SIMC1: variants seen among roughly 807,000 people sequenced by gnomAD.
SIMC1 encodes the protein SUMO-interacting motif-containing protein 1.
Under a neutral mutation model 82.3 loss-of-function variants are expected in SIMC1, and 55 were observed. The observed-to-expected ratio is 0.67, with a 90% CI of 0.54 to 0.84. The LOEUF is 0.84. Ranked by LOEUF, SIMC1 falls within the 40% of genes least tolerant of loss-of-function variation. The pLI is 0.00. For synonymous variants in SIMC1, 353 were observed against 426.3 expected (o/e 0.83, Z 2.12); for missense variants, 915 against 1,107.2 (o/e 0.83, Z 2.46).
intron 1 of SIMC1, chr5:176,270,230 T>A (rs545065806): frequency 7.5e-4 from 114 of 152,134 alleles, no homozygotes; most frequent in African/African-American, 2.7e-3. Flanking sequence ...CATCATCATC[T>A]TAACAGATGC....
intron 4 of SIMC1, among the ~76,000 whole-genome samples, chr5:176,312,408 C>A (rs1202930063): frequency 6.6e-6 from 1 of 151,874 alleles, no homozygotes. Context: ...TGGTGGCAGG[C>A]ACCTATAATC....
At chr5:176,326,658 G>T (rs1765405331) in intron 7 of SIMC1, among the ~76,000 whole-genome samples, 1 of 152,062 alleles carries the variant, frequency 6.6e-6, no homozygotes. Flanking sequence ...TTTGCCTCCT[G>T]GGTTCAAGTG....
At chr5:176,292,832 C>T (rs1388372483) in intron 2 of SIMC1, among the ~76,000 whole-genome samples, 1 of 152,178 alleles carries the variant, frequency 6.6e-6, no homozygotes, top group East Asian at 1.9e-4. Context: ...TGAGCCACCG[C>T]GCCCGGCCCA....
intron 4 of SIMC1, among the ~76,000 whole-genome samples, chr5:176,302,871 G>GA (rs1158669615): frequency 6.6e-6 from 1 of 152,108 alleles, no homozygotes; most frequent in East Asian, 1.9e-4. Context: ...TTTGTATACT[G>GA]AAAACTACAA....
At chr5:176,316,415 C>T (rs946553582) in intron 5 of SIMC1, among the ~76,000 whole-genome samples, 2 of 151,328 alleles carry the variant, frequency 1.3e-5, no homozygotes, top group Non-Finnish European at 2.9e-5. Context: ...ACCTGTAATC[C>T]TAACACTTTG....
intron 1 of SIMC1, among the ~76,000 whole-genome samples, chr5:176,257,482 A>G (rs1278479011): frequency 1.3e-5 from 2 of 152,172 alleles, no homozygotes; most frequent in Non-Finnish European, 2.9e-5. Flanking sequence ...GAGCTGGCAC[A>G]TCACATGGAG....
intron 1 of SIMC1, 101 bp from the exon 2 acceptor site, chr5:176,289,553 T>C: frequency 1.1e-6 from 1 of 905,590 alleles, no homozygotes; most frequent in Non-Finnish European, 1.7e-6. Context: ...TGAGGTGAAA[T>C]GGTAAAGTAA....
intron 1 of SIMC1, among the ~76,000 whole-genome samples, chr5:176,280,603 C>T (rs935983849): frequency 1.8e-4 from 28 of 152,082 alleles, no homozygotes; most frequent in Admixed American, 4.6e-4. Context: ...TTAGTGCTTC[C>T]TTCAGGAGCT....
intron 7 of SIMC1, among the ~76,000 whole-genome samples, chr5:176,326,751 G>A (rs1765409324): frequency 6.6e-6 from 1 of 152,100 alleles, no homozygotes; most frequent in Admixed American, 6.5e-5. Context: ...TTTTAGTAGA[G>A]ATGGGGTTTC....
chr5:176,252,298 G>GCCGGGCGGAGACGCT (rs1243969232), intron 1 of SIMC1, among the ~76,000 whole-genome samples: 1 of 151,916 alleles, frequency 6.6e-6, no homozygotes, highest in Non-Finnish European at 1.5e-5. Context: ...CGTGGTGGCT[G>GCCGGGCGGAGACGCT]CCGGGCGGAG....
At chr5:176,332,439 C>T (rs1025334755) in intron 7 of SIMC1, among the ~76,000 whole-genome samples, 6 of 152,070 alleles carry the variant, frequency 3.9e-5, no homozygotes, top group South Asian at 2.1e-4. Flanking sequence ...TACAGGCATG[C>T]GCCACCAGAC....
chr5:176,316,513 CAA>C lies in SIMC1; in HGVS notation c.1889+2684_1889+2685del, dbSNP rs60873841. Among the ~76,000 whole-genome samples the C allele has an allele frequency of 1.3e-3, 155 of 122,596 alleles. 2 individuals are homozygous for C. The highest frequency in any genetic ancestry group is 8.5e-3 in the Middle Eastern group (2 of 236). 80.4% of individuals were successfully genotyped at this position (122,596 alleles called of 152,430 possible). ...GAAACCCCATCTCTACTAAAAAATA[CAA>C]AAAAAAAAAAAAAAACCCAAAAAAT... On this transcript the variant is annotated intron_variant, in intron 5 of 9. Transcript: ENST00000429602.
At chr5:176,253,933 C>T (rs1330392739) in intron 1 of SIMC1, among the ~76,000 whole-genome samples, 3 of 152,150 alleles carry the variant, frequency 2.0e-5, no homozygotes, top group Admixed American at 6.5e-5. Flanking sequence ...CAAATGACCA[C>T]GGAGAACTAG....
intron 1 of SIMC1, among the ~76,000 whole-genome samples, chr5:176,283,652 A>C (rs1392956919): frequency 6.6e-6 from 1 of 152,356 alleles, no homozygotes; most frequent in South Asian, 2.1e-4. Flanking sequence ...TCATAATGAC[A>C]GGATCAAATT....
At chr5:176,275,655 C>G (rs1486363211) in intron 1 of SIMC1, among the ~76,000 whole-genome samples, 2 of 151,788 alleles carry the variant, frequency 1.3e-5, no homozygotes, top group African/African-American at 4.8e-5. Context: ...CCATCAACAC[C>G]TAATTTATTG....
intron 9 of SIMC1, among the ~76,000 whole-genome samples, chr5:176,341,109 T>C (rs1766119993): frequency 6.6e-6 from 1 of 152,190 alleles, no homozygotes; most frequent in African/African-American, 2.4e-5. Context: ...ATCGTGCCAC[T>C]GCACTCCAGC....
At chr5:176,326,462 G>A (rs542053159) in intron 7 of SIMC1, among the ~76,000 whole-genome samples, 2 of 151,740 alleles carry the variant, frequency 1.3e-5, no homozygotes, top group Non-Finnish European at 2.9e-5. Flanking sequence ...TGAACTCCTG[G>A]GCTCAAGCAA....
At chr5:176,265,285 AAC>A (rs1762160267) in intron 1 of SIMC1, among the ~76,000 whole-genome samples, 1 of 151,830 alleles carries the variant, frequency 6.6e-6, no homozygotes, top group South Asian at 2.1e-4. Flanking sequence ...CAAACAAACA[AAC>A]AAACAGGATT....
chr5:176,256,030 A>G (rs1406847420), intron 1 of SIMC1, among the ~76,000 whole-genome samples: 7 of 151,456 alleles, frequency 4.6e-5, no homozygotes, highest in East Asian at 2.0e-4. Flanking sequence ...CTACTGAGAT[A>G]TGAATCTGAG....
Sources: gnomAD v4.1 joint callset for allele counts (sites outside exome capture counted in the v4.1 genomes callset) on GRCh38, gnomAD v4.1.1 for gene constraint, MANE v1.5 for transcripts, NCBI Gene and HGNC (gene_info 2026-07-23, HGNC 2026-07-21) for gene names.